Variants in TMEM108 observed in about 807,000 individuals in gnomAD.
TMEM108 encodes the protein transmembrane protein 108, also known as cancer/testis antigen 124.
In TMEM108, 12 loss-of-function variants were observed where a neutral mutation model predicts 35.1. The observed-to-expected ratio is 0.34, with a 90% CI of 0.22 to 0.55. TMEM108 has a LOEUF of 0.55. TMEM108 is among the 20% of genes least tolerant of loss of function. The pLI is 0.89. For synonymous variants in TMEM108, 287 were observed against 308.6 expected (o/e 0.93, Z 0.73); for missense variants, 680 against 753.3 (o/e 0.90, Z 1.14).
chr3:133,175,933 T>A (rs200192811), intron 2 of TMEM108, among the ~76,000 whole-genome samples: 2 of 151,490 alleles, frequency 1.3e-5, no homozygotes, highest in Admixed American at 1.3e-4. Context: ...ACCCATCTCA[T>A]GTGCAGAGAC....
intron 3 of TMEM108, among the ~76,000 whole-genome samples, chr3:133,311,300 G>C (rs955868049): frequency 6.6e-6 from 1 of 152,222 alleles, no homozygotes; most frequent in East Asian, 1.9e-4. Context: ...ATATCCTGAA[G>C]AGTATTTTCC....
intron 3 of TMEM108, among the ~76,000 whole-genome samples, chr3:133,328,796 A>G (rs1284903007): frequency 6.6e-6 from 1 of 152,158 alleles, no homozygotes; most frequent in East Asian, 1.9e-4. Context: ...AGTAGGTTAG[A>G]TGTAACATAG....
chr3:133,100,131 A>G (rs1156229807), intron 2 of TMEM108, among the ~76,000 whole-genome samples: 2 of 152,210 alleles, frequency 1.3e-5, no homozygotes, highest in Non-Finnish European at 2.9e-5. Context: ...CTCACATGGC[A>G]GCGGCGAGAG....
chr3:133,211,891 G>A (rs1039855187), intron 2 of TMEM108, among the ~76,000 whole-genome samples: 1 of 151,986 alleles, frequency 6.6e-6, no homozygotes, highest in African/African-American at 2.4e-5. Flanking sequence ...TTGGAATTCT[G>A]CATCTTGGTG....
At chr3:133,249,777 T>C (rs192920206) in intron 3 of TMEM108, among the ~76,000 whole-genome samples, 17 of 152,282 alleles carry the variant, frequency 1.1e-4, no homozygotes, top group Admixed American at 4.6e-4. Context: ...ACATATAAAG[T>C]ACCATAATTT....
At chr3:133,075,769 G>A (rs1576305473) in intron 2 of TMEM108, among the ~76,000 whole-genome samples, 1 of 152,292 alleles carries the variant, frequency 6.6e-6, no homozygotes, top group East Asian at 1.9e-4. Context: ...AAGATCAGAA[G>A]CTATTTCGCC....
chr3:133,085,071 TCTTTTA>T (rs1440976475), intron 2 of TMEM108, among the ~76,000 whole-genome samples: 3 of 152,216 alleles, frequency 2.0e-5, no homozygotes, highest in Non-Finnish European at 2.9e-5. Flanking sequence ...GATTGACTCT[TCTTTTA>T]CTATTTCTTT....
intron 3 of TMEM108, among the ~76,000 whole-genome samples, chr3:133,318,885 T>A (rs1255811526): frequency 7.8e-6 from 1 of 128,572 alleles, no homozygotes; most frequent in Non-Finnish European, 1.6e-5. Context: ...AATTTCTAGA[T>A]CCTTTGAAAG....
intron 3 of TMEM108, among the ~76,000 whole-genome samples, chr3:133,328,756 G>T (rs1330380180): frequency 2.0e-5 from 3 of 152,154 alleles, no homozygotes; most frequent in Non-Finnish European, 2.9e-5. Context: ...GGAACCACAT[G>T]TTTATTTTAC....
chr3:133,257,368 C>G (rs930529142), intron 3 of TMEM108, among the ~76,000 whole-genome samples: 13 of 152,326 alleles, frequency 8.5e-5, no homozygotes, highest in African/African-American at 3.1e-4. Context: ...TATTCACTCT[C>G]TGAAAGTTTA....
chr3:133,166,277 G>A (rs982754239), intron 2 of TMEM108, among the ~76,000 whole-genome samples: 2 of 152,162 alleles, frequency 1.3e-5, no homozygotes, highest in African/African-American at 4.8e-5. Context: ...GGGATAATCT[G>A]TACACAAACC....
chr3:133,047,536 A>G (rs1229016774), intron 2 of TMEM108, among the ~76,000 whole-genome samples: 1 of 151,978 alleles, frequency 6.6e-6, no homozygotes, highest in East Asian at 1.9e-4. Context: ...GAGCCAGGCA[A>G]TTCTTGTGTG....
At chr3:133,150,342 G>GTTTTTTTTTTTTTTT (rs10663538) in intron 2 of TMEM108, among the ~76,000 whole-genome samples, 12 of 109,680 alleles carry the variant, frequency 1.1e-4, no homozygotes, top group African/African-American at 2.2e-4. Context: ...AGGTTATTTG[G>GTTTTTTTTTTTTTTT]TTTTTTTTTT....
intron 3 of TMEM108, among the ~76,000 whole-genome samples, chr3:133,300,276 CAGG>C (rs763306919): frequency 1.1e-4 from 16 of 152,070 alleles, no homozygotes; most frequent in Non-Finnish European, 1.6e-4. Flanking sequence ...AGGCAGTATG[CAGG>C]ATACCTGATG....
rs1045216102 is a variant in TMEM108 at position 133,108,927 on chromosome 3, G to A, written c.-47+62907G>A. Reference sequence around the variant, plus strand: ...GGTGCAGCACACCAACATGGCACATGTATACATATGTAACAAACCTGCACA... The same window carrying A: ...GGTGCAGCACACCAACATGGCACATATATACATATGTAACAAACCTGCACA... On this transcript the variant is annotated intron_variant, in intron 2 of 5. Coordinates refer to ENST00000321871, the MANE Select transcript of TMEM108 (RefSeq NM_023943.4). 1.1e-4 allele frequency among the ~76,000 whole-genome samples: 16 copies of A among 152,040 alleles called. No individual in the cohort carries two copies. In the South Asian group the frequency reaches 3.1e-3, roughly 30 times the overall value.
intron 2 of TMEM108, among the ~76,000 whole-genome samples, chr3:133,124,480 T>G (rs898561675): frequency 5.3e-5 from 8 of 152,162 alleles, no homozygotes; most frequent in African/African-American, 1.7e-4. Flanking sequence ...TGCCATTGCC[T>G]CAAGCCTGTG....
At chr3:133,183,050 A>G (rs1344155692) in intron 2 of TMEM108, among the ~76,000 whole-genome samples, 1 of 152,188 alleles carries the variant, frequency 6.6e-6, no homozygotes, top group East Asian at 1.9e-4. Flanking sequence ...AACCAGTAGA[A>G]CATCCCTAAT....
intron 2 of TMEM108, among the ~76,000 whole-genome samples, chr3:133,199,996 C>A (rs1301453902): frequency 6.6e-6 from 1 of 152,166 alleles, no homozygotes; most frequent in African/African-American, 2.4e-5. Context: ...CTCACTGCCA[C>A]CTTGCAGTTC....
chr3:133,210,164 T>C (rs1559869291), intron 2 of TMEM108, among the ~76,000 whole-genome samples: 1 of 152,226 alleles, frequency 6.6e-6, no homozygotes, highest in East Asian at 1.9e-4. Flanking sequence ...GGGAAGAGAA[T>C]AAGTGGGCCT....
Sources: allele counts gnomAD v4.1 joint callset (sites outside exome capture counted in the v4.1 genomes callset), GRCh38; gene constraint gnomAD v4.1.1; transcripts MANE v1.5; gene names NCBI Gene and HGNC (gene_info 2026-07-23, HGNC 2026-07-21).